The following WNK4 variants were observed in gnomAD, a reference collection of about 807,000 sequenced individuals.
The protein encoded by WNK4 is serine/threonine-protein kinase WNK4.
In WNK4, 94 loss-of-function variants were observed where a neutral mutation model predicts 116.2. The ratio of observed to expected loss-of-function variants is 0.81; its 90% confidence interval spans 0.68 to 0.96. The LOEUF is 0.96. WNK4 is among the 40% of genes least tolerant of loss of function. The pLI is 0.00. For missense variants in WNK4, 1,542 were observed against 1,650.6 expected (o/e 0.93, Z 1.14); for synonymous variants, 655 against 672.7 (o/e 0.97, Z 0.41).
chr17:42,782,320 G>A lies in WNK4; in HGVS notation c.619-438G>A, dbSNP rs61754342. ...TCCCTCCATATCCCTCCCGCCTTCC[G>A]TCTGGATCTAGCAGTTCTGTTTCTG... On this transcript the variant is annotated intron_variant, in intron 1 of 18. Transcript: ENST00000246914. This position sits in a 1 kb window ranked among gnomAD's most constrained non-coding sequence, Gnocchi z 4.2. Among the ~76,000 whole-genome samples, 5 of 152,272 alleles carry A rather than the reference G, an allele frequency of 3.3e-5. No homozygotes were observed. The East Asian group carries it at 7.7e-4, about 24-fold the overall frequency.
Position 42,784,566 on chromosome 17 carries a change from G to A in WNK4, c.1157G>A (p.Arg386His), listed in dbSNP as rs753553427. The A allele has an allele frequency of 3.7e-6, 6 of 1,614,026 alleles. No homozygotes were observed. Among genetic ancestry groups the A allele is most frequent in the African/African-American group, 2.7e-5 (2 of 74,916 alleles). Residue 386 changes from arginine to histidine, a missense_variant, in exon 4 of 19, where the codon CGC becomes CAC. By Grantham distance (29) the Arg-to-His change is conservative. Transcript: ENST00000246914. This position sits in a 1 kb window ranked among gnomAD's most constrained non-coding sequence, Gnocchi z 4.4. ...TGCCAGAATGCCGCGCAAATCTACC[G>A]CAAGGTCACTTCGGTGAGAGGGATG... ...SECQNAAQIY[R>H]KVTSGRKPNS...
Position 42,787,294 on chromosome 17 carries a change from T to C in WNK4, c.1493T>C (p.Val498Ala). The change falls in exon 7 of 19, where the codon GTC becomes GCC. Residue 498 changes from valine to alanine, a missense_variant. Physicochemically the swap from Val to Ala is moderately conservative, Grantham distance 64 (BLOSUM62 0). Around this residue, in one of 7 missense-constraint regions of WNK4, gnomAD observed 808 missense variants for 873.6 expected, o/e 0.92. Coordinates refer to ENST00000246914, the MANE Select transcript of WNK4 (RefSeq NM_032387.5). The part of the protein sequence containing the change: ...VAQEMVALGL[V>A]CEADYQPVAR... ...CAATTCCAGGTGGCTCTGGGCTTGGTCTGTGAAGCCGATTACCAGCCAGTG... is the reference window on the plus strand; with the variant it reads ...CAATTCCAGGTGGCTCTGGGCTTGGCCTGTGAAGCCGATTACCAGCCAGTG... The C allele has an allele frequency of 1.2e-6, 2 of 1,614,010 alleles. No individual in the cohort carries two copies. Among genetic ancestry groups the C allele is most frequent in the Non-Finnish European group, 1.7e-6 (2 of 1,180,006 alleles).
intron 11 of WNK4, among the ~76,000 whole-genome samples, chr17:42,789,782 G>A (rs2054590688): frequency 6.6e-6 from 1 of 152,106 alleles, no homozygotes; most frequent in Non-Finnish European, 1.5e-5. Flanking sequence ...GAAGTAGGAG[G>A]ATTGCTTGAG....
At position 42,796,696 on chromosome 17, in the gene WNK4, AC is replaced by A. The variant is rs1375751235; in HGVS notation, c.*9del. ...TTCTTTTCCCTCCAGTGAATTCAGA[AC>A]AGAAGCCATGTATCTCCCCCACACC... On this transcript the variant is annotated 3_prime_UTR_variant, in exon 19 of 19. Transcript: ENST00000246914. The A allele has an allele frequency of 1.2e-6, 2 of 1,614,142 alleles. No individual in the cohort carries two copies. The highest frequency in any genetic ancestry group is 8.5e-7 in the Non-Finnish European group (1 of 1,180,030).
At chr17:42,787,213 G>T in intron 6 of WNK4, 65 bp from the exon 7 acceptor site, 1 of 1,604,688 alleles carries the variant, frequency 6.2e-7, no homozygotes. Flanking sequence ...TCCCAAGAAG[G>T]CGTCCTGATG....
At position 42,788,709 on chromosome 17, in the gene WNK4, A is replaced by C. The variant is rs1334947284; in HGVS notation, c.2069A>C (p.Glu690Ala). 1.3e-5 allele frequency: 21 copies of C among 1,614,024 alleles called. No individual in the cohort carries two copies. The highest frequency in any genetic ancestry group is 1.6e-5 in the Non-Finnish European group (19 of 1,180,014). Residue 690 changes from glutamate to alanine, a missense_variant, in exon 11 of 19, where the codon GAG becomes GCG. Around this residue, in one of 7 missense-constraint regions of WNK4, gnomAD observed 808 missense variants for 873.6 expected, o/e 0.92. Transcript: ENST00000246914. ...TCAGACCAGAATGACAGAGTGGTTG[A>C]GTGCCAGCTACAGACCCATAACAGC... ...SVSDQNDRVV[E>A]CQLQTHNSKM...
intron 12 of WNK4, chr17:42,794,332 C>T (rs2054638126): frequency 2.0e-6 from 1 of 512,108 alleles, no homozygotes; most frequent in East Asian, 3.4e-5. Flanking sequence ...CCCAGATTTG[C>T]CACTTGTTAG....
chr17:42,796,040 C>T lies in WNK4; in HGVS notation c.3431+7C>T, dbSNP rs2054666610. ...TGCAGAGTCTTCGGCAGAAGTGAGT[C>T]TCGGGAGGATGGAGGAGTGAGAGGA... On this transcript the variant is annotated splice_region_variant and intron_variant, in intron 16 of 18. Transcript: ENST00000246914. 6 of 1,613,976 alleles carry T rather than the reference C, an allele frequency of 3.7e-6. No homozygotes were observed. The highest frequency in any genetic ancestry group is 5.1e-6 in the Non-Finnish European group (6 of 1,180,034).
At position 42,796,218 on chromosome 17, in the gene WNK4, T is replaced by C; in HGVS notation, c.3527T>C (p.Val1176Ala). ...GGGAAGCAGCCCCCACCGGGTATTG[T>C]GGCCCCAGCTGCTATGCTGTCCAGC... is the stretch of plus-strand genomic sequence containing the variant. The part of the protein sequence containing the change: ...RLGKQPPPGI[V>A]APAAMLSSRQ... The change falls in exon 17 of 19, where the codon GTG (valine) becomes GCG (alanine). Residue 1176 changes from valine (V) to alanine (A), a missense_variant. Val to Ala is a moderately conservative substitution (Grantham distance 64). Around this residue, in one of 7 missense-constraint regions of WNK4, gnomAD observed 148 missense variants for 157.2 expected, o/e 0.94. Transcript: ENST00000246914. The C allele has an allele frequency of 6.2e-7, 1 of 1,613,748 alleles. No individual in the cohort carries two copies. The highest frequency in any genetic ancestry group is 8.5e-7 in the Non-Finnish European group (1 of 1,179,918).
In WNK4 at chr17:42,795,905, AC is replaced by A. The variant is rs1234898143; in HGVS notation, c.3307del (p.Leu1103Ter). 6.2e-7 allele frequency: 1 copy of A among 1,607,288 alleles called. No homozygotes were observed. Among genetic ancestry groups the A allele is most frequent in the Non-Finnish European group, 8.5e-7 (1 of 1,176,906 alleles). ...AACCCCAAGTTGGGGGCAGCCCCCA[AC>A]CCCTGAGCCATCCCAGCCCAGTGTG... The part of the protein sequence containing the change: ...KEPQVGGSPQ[P>X]LSHPSPVWMN... On this transcript the variant is annotated frameshift_variant, in exon 16 of 19. Coordinates refer to ENST00000246914, the MANE Select transcript of WNK4 (RefSeq NM_032387.5). LOFTEE classifies it high-confidence loss of function.
rs61754342 is a variant in WNK4, at chr17:42,782,320, G to C, written c.619-438G>C. 5.8e-3 allele frequency among the ~76,000 whole-genome samples: 889 copies of C among 152,268 alleles called. 10 individuals carry two copies. Among genetic ancestry groups the C allele is most frequent in the African/African-American group, 0.02 (824 of 41,536 alleles). ...TCCCTCCATATCCCTCCCGCCTTCC[G>C]TCTGGATCTAGCAGTTCTGTTTCTG... On this transcript the variant is annotated intron_variant, in intron 1 of 18. Coordinates refer to ENST00000246914, the MANE Select transcript of WNK4 (RefSeq NM_032387.5). The surrounding 1 kb of genome is among the most constrained non-coding windows in gnomAD (Gnocchi z 4.2).
Position 42,784,422 on chromosome 17 carries a change from G to A in WNK4, c.1013G>A (p.Gly338Glu). 1.2e-6 allele frequency: 2 copies of A among 1,613,396 alleles called. No homozygotes were observed. The highest frequency in any genetic ancestry group is 1.7e-6 in the Non-Finnish European group (2 of 1,179,738). Residue 338 changes from glycine to glutamate, a missense_variant and splice_region_variant, in exon 4 of 19, where the codon GGG becomes GAG. Gly to Glu is a moderately conservative substitution (Grantham distance 98, BLOSUM62 -2). Coordinates refer to ENST00000246914, the MANE Select transcript of WNK4 (RefSeq NM_032387.5). This position sits in a 1 kb window ranked among gnomAD's most constrained non-coding sequence, Gnocchi z 4.4. The stretch of plus-strand genomic sequence containing the variant: ...CTGATCCCTGCTGTGGACCCTACAG[G>A]GACCCCGGAATTCATGGCCCCCGAG... ...KRASFAKSVI[G>E]TPEFMAPEMY...
At chr17:42,792,639 G>A (rs760445991) in intron 11 of WNK4, among the ~76,000 whole-genome samples, 36 of 152,158 alleles carry the variant, frequency 2.4e-4, no homozygotes, top group Non-Finnish European at 3.4e-4. Context: ...GTTTAATTAC[G>A]TATTTATGTG....
intron 6 of WNK4, 73 bp from the exon 7 acceptor site, chr17:42,787,205 C>T: frequency 6.2e-7 from 1 of 1,600,328 alleles, no homozygotes; most frequent in Non-Finnish European, 8.5e-7. Flanking sequence ...CCTGGAGTTC[C>T]CAAGAAGGCG....
chr17:42,784,298 C>G lies in WNK4; in HGVS notation c.1013-124C>G. 3.3e-6 allele frequency: 5 copies of G among 1,531,696 alleles called. No homozygotes were observed. The highest frequency in any genetic ancestry group is 4.5e-6 in the Non-Finnish European group (5 of 1,118,912). 94.9% of individuals were successfully genotyped at this position (1,531,696 alleles called of 1,614,324 possible). On this transcript the variant is annotated intron_variant, in intron 3 of 18. Coordinates refer to ENST00000246914, the MANE Select transcript of WNK4 (RefSeq NM_032387.5). The surrounding 1 kb of genome is among the most constrained non-coding windows in gnomAD (Gnocchi z 4.4). The stretch of plus-strand genomic sequence containing the variant: ...GGGAAGCTGAGGAGACCTATGGCAC[C>G]CACCTCAACCCCACTGTGGGCCGGG...
At chr17:42,785,552 G>A (rs757981808) in intron 6 of WNK4, 70 bp downstream of exon 6, 108 of 1,534,236 alleles carry the variant, frequency 7.0e-5, no homozygotes, top group Non-Finnish European at 9.4e-5. Flanking sequence ...CAGTGCAACA[G>A]GGATGGGGCG....
Position 42,789,729 on chromosome 17 carries a change from G to A in WNK4, c.2157+932G>A, listed in dbSNP as rs143822163. On this transcript the variant is annotated intron_variant, in intron 11 of 18. Coordinates refer to ENST00000246914, the MANE Select transcript of WNK4 (RefSeq NM_032387.5). The stretch of plus-strand genomic sequence containing the variant: ...ATAAATAGAGAGGCAGAGCAGGCTA[G>A]GTCCAGTGGCTCACACCTGTAATCC... 9.2e-4 allele frequency among the ~76,000 whole-genome samples: 140 copies of A among 151,796 alleles called. 2 individuals carry two copies. The East Asian group carries it at 0.013, about 14-fold the overall frequency.
rs764496884 is a variant in WNK4, at chr17:42,793,648, G to A, written c.2214G>A (p.Arg738=). The change falls in exon 12 of 19, where the codon CGG becomes CGA. Residue 738 remains arginine, a synonymous_variant. Coordinates refer to ENST00000246914, the MANE Select transcript of WNK4 (RefSeq NM_032387.5). ...SERDGFLRRI[R]EIIQRVETLL... ...GAGATGGATTTCTCAGACGGATTCG[G>A]GAGATTATCCAGCGAGTGGAGACCC... 1.2e-6 allele frequency: 2 copies of A among 1,613,970 alleles called. No individual in the cohort carries two copies. Among genetic ancestry groups the A allele is most frequent in the African/African-American group, 1.3e-5 (1 of 74,868 alleles).
chr17:42,783,719 A>G (rs1417804444), intron 2 of WNK4: 4 of 601,046 alleles, frequency 6.7e-6, no homozygotes, highest in South Asian at 3.9e-5. Context: ...GGCCCTATCT[A>G]TCAATTTACT....
Sources: allele counts gnomAD v4.1 joint callset (sites outside exome capture counted in the v4.1 genomes callset), GRCh38; gene constraint gnomAD v4.1.1; regional missense constraint gnomAD v4.1.1; non-coding constraint Gnocchi (gnomAD v3.1); transcripts MANE v1.5; gene names NCBI Gene and HGNC (gene_info 2026-07-23, HGNC 2026-07-21).